Variants in DYSF observed in about 807,000 individuals in gnomAD.
DYSF encodes the protein dysferlin, also known as dystrophy-associated fer-1-like 1.
A neutral mutation model predicts 274.9 loss-of-function variants in DYSF; 212 were observed. The observed-to-expected ratio is 0.77, with a 90% CI of 0.69 to 0.86. The LOEUF (loss-of-function observed/expected upper bound fraction) is 0.86. Among genes scored for constraint, DYSF ranks in the 40% least tolerant of loss-of-function variants. DYSF has a pLI of 0.00. For missense variants in DYSF, 2,666 were observed against 2,783.2 expected (o/e 0.96, Z 0.95); for synonymous variants, 1,091 against 1,078.7 (o/e 1.01, Z -0.22).
Position 71,541,351 on chromosome 2 carries a change from A to T in DYSF, c.1576+2112A>T, listed in dbSNP as rs1299295237. Reference sequence around the variant, plus strand: ...ATTTTTAGTTTGTCACTTTTACTCTAGTCAATTTTGATAATTTATATTTTC... The same window carrying T: ...ATTTTTAGTTTGTCACTTTTACTCTTGTCAATTTTGATAATTTATATTTTC... On this transcript the variant is annotated intron_variant, in intron 17 of 55. Transcript: ENST00000410020. 2.0e-5 allele frequency among the ~76,000 whole-genome samples: 3 copies of T among 152,150 alleles called. No individual in the cohort carries two copies. In the East Asian group the frequency reaches 5.8e-4, roughly 29 times the overall value.
intron 17 of DYSF, among the ~76,000 whole-genome samples, chr2:71,548,087 A>G (rs2090625587): frequency 6.6e-6 from 1 of 151,566 alleles, no homozygotes; most frequent in Non-Finnish European, 1.5e-5. Context: ...ACAGAAGGAA[A>G]CCTCTTGCTT....
intron 40 of DYSF, among the ~76,000 whole-genome samples, chr2:71,617,572 G>A (rs1047561269): frequency 1.1e-4 from 16 of 151,978 alleles, no homozygotes; most frequent in African/African-American, 3.9e-4. Context: ...GTATGTGGTA[G>A]AGGTGGTGTG....
chr2:71,507,951 A>G (rs2085669946), intron 4 of DYSF, among the ~76,000 whole-genome samples: 1 of 152,302 alleles, frequency 6.6e-6, no homozygotes, highest in Admixed American at 6.5e-5. Flanking sequence ...ACCACGCCCA[A>G]CTAGTTTTTG....
intron 46 of DYSF, 61 bp downstream of exon 46, chr2:71,664,499 A>C: frequency 6.3e-7 from 1 of 1,593,886 alleles, no homozygotes; most frequent in Non-Finnish European, 8.6e-7. Context: ...GTCTTCTCTG[A>C]CAACACACCA....
At chr2:71,548,653 A>C (rs1243996249) in intron 17 of DYSF, among the ~76,000 whole-genome samples, 1 of 152,170 alleles carries the variant, frequency 6.6e-6, no homozygotes. Flanking sequence ...ATTTCTAGAC[A>C]TTCCTTACCA....
chr2:71,582,106 CAAA>C (rs1159294834), intron 30 of DYSF, among the ~76,000 whole-genome samples: 419 of 35,026 alleles, frequency 0.012, no homozygotes, highest in African/African-American at 0.038. Flanking sequence ...GACTCCGTCT[CAAA>C]AAAAAAAAAA....
At chr2:71,469,226 T>G (rs1416830177) in intron 1 of DYSF, among the ~76,000 whole-genome samples, 1 of 152,044 alleles carries the variant, frequency 6.6e-6, no homozygotes, top group African/African-American at 2.4e-5. Flanking sequence ...TGGGGCTGAG[T>G]TGATGCCTAA....
At chr2:71,526,418 T>TGGGGTGGGGGGGGGG in intron 13 of DYSF, 72 bp downstream of exon 13, 9 of 261,482 alleles carry the variant, frequency 3.4e-5, no homozygotes, top group Non-Finnish European at 6.3e-5. Flanking sequence ...GGGTGGGCGA[T>TGGGGTGGGGGGGGGG]GGCGGGCGGG....
At chr2:71,549,471 TG>T (rs1299458310) in intron 17 of DYSF, 1 of 1,424,640 alleles carries the variant, frequency 7.0e-7, no homozygotes, top group African/African-American at 1.4e-5. Context: ...GCTGGAGGCA[TG>T]GGGTTTTTGA....
chr2:71,501,636 C>T (rs1399130269), intron 3 of DYSF, among the ~76,000 whole-genome samples: 2 of 152,242 alleles, frequency 1.3e-5, no homozygotes, highest in African/African-American at 4.8e-5. Context: ...AATTTGACTA[C>T]TCTAGCTACC....
intron 1 of DYSF, among the ~76,000 whole-genome samples, chr2:71,459,550 G>T (rs571791340): frequency 2.0e-4 from 30 of 152,274 alleles, no homozygotes; most frequent in African/African-American, 7.0e-4. Flanking sequence ...GGAAAATCTA[G>T]GCCCAGGTGC....
At position 71,660,573 on chromosome 2, in the gene DYSF, T is replaced by G. The variant is rs1335757266; in HGVS notation, c.4925T>G (p.Ile1642Ser). 1.9e-6 allele frequency: 3 copies of G among 1,613,888 alleles called. No homozygotes were observed. The African/African-American group carries it at 4.0e-5, about 22-fold the overall frequency. ...CTCCTCCTCCAGTGTGATCCTTACA[T>G]CAAGATCTCCATAGGGAAGAAATCA... ...KDPNGKCDPY[I>S]KISIGKKSVS... Residue 1642 changes from isoleucine to serine, a missense_variant, in exon 45 of 56, where the codon ATC becomes AGC. Physicochemically the swap from Ile to Ser is moderately radical, Grantham distance 142 (BLOSUM62 -2). Coordinates refer to ENST00000410020, the MANE Select transcript of DYSF (RefSeq NM_001130987.2).
chr2:71,513,420 C>A (rs945665214), intron 6 of DYSF, 88 bp downstream of exon 6: 17 of 1,413,354 alleles, frequency 1.2e-5, no homozygotes, highest in Non-Finnish European at 1.6e-5. Flanking sequence ...GGAGCGGGGC[C>A]AGGTGGCAGA....
chr2:71,626,759 C>A (rs1318461707), intron 41 of DYSF, among the ~76,000 whole-genome samples: 1 of 151,748 alleles, frequency 6.6e-6, no homozygotes, highest in Non-Finnish European at 1.5e-5. Context: ...TGGCATTATC[C>A]GTTGCCTAAA....
chr2:71,537,226 T>TTGTTTTTG (rs1279067542), intron 16 of DYSF, among the ~76,000 whole-genome samples: 1 of 120,174 alleles, frequency 8.3e-6, no homozygotes, highest in African/African-American at 3.6e-5. Flanking sequence ...TAGTTTTGTT[T>TTGTTTTTG]TTTTTTTTTT....
Position 71,568,096 on chromosome 2 carries a change from A to AGCC in DYSF, c.2697+15_2697+17dup. 2 of 1,614,164 alleles carry AGCC rather than the reference A, an allele frequency of 1.2e-6. No individual in the cohort carries two copies. The highest frequency in any genetic ancestry group is 1.7e-6 in the Non-Finnish European group (2 of 1,180,018). ...TTTGCTGAAACCGTGAGTACCTGCC[A>AGCC]GCCCCCACCTCTGCCTCCCACTACC... On this transcript the variant is annotated intron_variant, in intron 25 of 55. Transcript: ENST00000410020.
chr2:71,541,418 T>C (rs1244016797), intron 17 of DYSF, among the ~76,000 whole-genome samples: 4 of 152,310 alleles, frequency 2.6e-5, no homozygotes, highest in African/African-American at 9.6e-5. Context: ...TTTATTTACA[T>C]AGTGTTGTAC....
chr2:71,544,583 C>T (rs1261059201), intron 17 of DYSF, among the ~76,000 whole-genome samples: 1 of 150,898 alleles, frequency 6.6e-6, no homozygotes, highest in Non-Finnish European at 1.5e-5. Context: ...CCTCAGCCTT[C>T]CAAGGAGCCA....
intron 42 of DYSF, among the ~76,000 whole-genome samples, chr2:71,649,605 A>C (rs1373749493): frequency 6.6e-6 from 1 of 152,192 alleles, no homozygotes; most frequent in Non-Finnish European, 1.5e-5. Flanking sequence ...ACAGAAGCTG[A>C]GATCATTCCA....
Sources: allele counts gnomAD v4.1 joint callset (sites outside exome capture counted in the v4.1 genomes callset), GRCh38; gene constraint gnomAD v4.1.1; transcripts MANE v1.5; gene names NCBI Gene and HGNC (gene_info 2026-07-23, HGNC 2026-07-21).